SNAPC3: variants seen among roughly 807,000 people sequenced by gnomAD.
SNAPC3 encodes the protein snRNA-activating protein complex subunit 3.
In SNAPC3, 56 loss-of-function variants were observed where a neutral mutation model predicts 47.7. The observed-to-expected ratio is 1.18, with a 90% CI of 0.95 to 1.47. The LOEUF (loss-of-function observed/expected upper bound fraction) is 1.47, where lower values mean the gene tolerates loss of function less well. SNAPC3 is among the 40% of genes most tolerant of loss of function. The probability of loss-of-function intolerance (pLI) is 0.00; values close to 1 mark genes in which losing one functional copy is unlikely to be tolerated. For missense variants in SNAPC3, 665 were observed against 511.3 expected, an observed-to-expected ratio of 1.30 and a Z score of -2.90; for synonymous variants, 235 against 189.9, an observed-to-expected ratio of 1.24 and a Z score of -1.95.
At chr9:15,456,528 C>A (rs2131964427) in intron 7 of SNAPC3, among the ~76,000 whole-genome samples, 1 of 151,948 alleles carries the variant, frequency 6.6e-6, no homozygotes, top group South Asian at 2.1e-4. Flanking sequence ...AGTGCAGTGG[C>A]AAAATCATGG....
downstream of SNAPC3, chr9:15,465,383 C>A: frequency 1.4e-6 from 1 of 716,290 alleles, no homozygotes; most frequent in Non-Finnish European, 2.3e-6. Context: ...TACTTTAAAA[C>A]AAAGGGATTT....
downstream of SNAPC3, chr9:15,462,281 A>G (rs1383866480): frequency 1.3e-5 from 2 of 152,168 alleles, no homozygotes; most frequent in African/African-American, 4.8e-5. Context: ...TTTTTCATCA[A>G]AGACTCAGGT....
chr9:15,433,549 C>T lies in SNAPC3; in HGVS notation c.393-3C>T. On this transcript the variant is annotated splice_polypyrimidine_tract_variant and splice_region_variant and intron_variant, in intron 2 of 8. Coordinates refer to ENST00000380821, the MANE Select transcript of SNAPC3 (RefSeq NM_001039697.2). ...TTTTTTTTTTCTTTTACATCTACAACAGGGTTAGAAAAAGGTTCTTGGAAC... is the reference window on the plus strand; with the variant it reads ...TTTTTTTTTTCTTTTACATCTACAATAGGGTTAGAAAAAGGTTCTTGGAAC... 1.3e-6 allele frequency: 2 copies of T among 1,559,898 alleles called. No homozygotes were observed. Among genetic ancestry groups the T allele is most frequent in the South Asian group, 1.2e-5 (1 of 86,344 alleles).
chr9:15,459,640 A>C (rs1349852003), intron 8 of SNAPC3, 79 bp from the exon 9 acceptor site: 15 of 1,071,744 alleles, frequency 1.4e-5, no homozygotes, highest in Non-Finnish European at 2.1e-5. Context: ...TTATATTTAC[A>C]TATTGCTACA....
chr9:15,452,241 G>A (rs1471768542), intron 6 of SNAPC3, among the ~76,000 whole-genome samples: 2 of 152,082 alleles, frequency 1.3e-5, no homozygotes, highest in Non-Finnish European at 2.9e-5. Flanking sequence ...AACGTTACAG[G>A]TGTGAGCCAC....
downstream of SNAPC3, chr9:15,465,602 A>C (rs773768174): frequency 3.3e-6 from 5 of 1,532,398 alleles, no homozygotes; most frequent in Non-Finnish European, 4.5e-6. Flanking sequence ...GGGGAAAGGT[A>C]CAACTGGAAT....
intron 2 of SNAPC3, among the ~76,000 whole-genome samples, chr9:15,431,091 A>G (rs573289194): frequency 6.6e-6 from 1 of 152,288 alleles, no homozygotes; most frequent in East Asian, 1.9e-4. Flanking sequence ...GCTCAGCAGG[A>G]TCCTGCAGTG....
At chr9:15,464,252 C>T (rs41268959), downstream of SNAPC3, 2,271 of 193,184 alleles carry the variant, frequency 0.012, 18 homozygotes, top group Middle Eastern at 0.021. Flanking sequence ...AAATGCAATT[C>T]TGTAGATGAA....
chr9:15,429,591 ACT>A (rs535341151), intron 2 of SNAPC3, among the ~76,000 whole-genome samples: 335 of 152,290 alleles, frequency 2.2e-3, no homozygotes, highest in Non-Finnish European at 3.4e-3. Context: ...AAAATGGGTA[ACT>A]CTAGGATTTA....
At chr9:15,463,724 C>A (rs997306308), downstream of SNAPC3, 1 of 151,994 alleles carries the variant, frequency 6.6e-6, no homozygotes, top group Non-Finnish European at 1.5e-5. Context: ...AAAGAAACAG[C>A]AATTATGCTT....
chr9:15,439,304 A>G (rs1309011723), intron 3 of SNAPC3, among the ~76,000 whole-genome samples: 1 of 152,178 alleles, frequency 6.6e-6, no homozygotes, highest in Non-Finnish European at 1.5e-5. Flanking sequence ...TGTTGGCTTT[A>G]TATAAGTTTA....
chr9:15,442,544 G>A (rs4635443), intron 3 of SNAPC3, among the ~76,000 whole-genome samples: 8 of 151,822 alleles, frequency 5.3e-5, no homozygotes, highest in East Asian at 3.9e-4. Context: ...GGTGGCGGCC[G>A]GGCAGAGGCG....
chr9:15,461,526 A>C lies in SNAPC3; in HGVS notation c.*1660A>C, dbSNP rs2035221599. 1.3e-5 allele frequency: 2 copies of C among 152,328 alleles called. No homozygotes were observed. The highest frequency in any genetic ancestry group is 4.8e-5 in the African/African-American group (2 of 41,576). The allele number at this position is 152,328 out of a possible 1,614,324, so 9.4% of individuals were successfully genotyped here. On this transcript the variant is annotated 3_prime_UTR_variant, in exon 9 of 9. Transcript: ENST00000380821. ...AGATTTATTCAAATATTTTCTGGGA[A>C]CCTTTATGGGTAGAACATTTAATAC... is the stretch of plus-strand genomic sequence containing the variant.
rs146229242 is a variant in SNAPC3 at position 15,427,471 on chromosome 9, C to G, written c.392+3485C>G. Reference sequence around the variant, plus strand: ...TCAAGTGATTCTTCTGCCTCAGCCTCCCAAGTAGCTGGGATTACTGGCGTG... The same window carrying G: ...TCAAGTGATTCTTCTGCCTCAGCCTGCCAAGTAGCTGGGATTACTGGCGTG... On this transcript the variant is annotated intron_variant, in intron 2 of 8. Transcript: ENST00000380821. Among the ~76,000 whole-genome samples, 534 of 152,320 alleles carry G rather than the reference C, an allele frequency of 3.5e-3. 5 individuals carry two copies. Among genetic ancestry groups the G allele is most frequent in the East Asian group, 0.021 (111 of 5,182 alleles).
intron 7 of SNAPC3, 93 bp from the exon 8 acceptor site, chr9:15,457,867 C>G (rs940879994): frequency 2.7e-6 from 2 of 733,170 alleles, no homozygotes; most frequent in Non-Finnish European, 4.5e-6. Context: ...ATCTATTTTC[C>G]TAATACTCAG....
At chr9:15,436,959 G>T (rs1265561830) in intron 3 of SNAPC3, among the ~76,000 whole-genome samples, 2 of 151,500 alleles carry the variant, frequency 1.3e-5, no homozygotes, top group Non-Finnish European at 2.9e-5. Flanking sequence ...GAGTGGCTGG[G>T]ATTACAGGTG....
At chr9:15,464,677 T>G (rs569578324), downstream of SNAPC3, 2 of 198,278 alleles carry the variant, frequency 1.0e-5, no homozygotes, top group South Asian at 3.8e-4. Context: ...AAAGACATTT[T>G]TAACAACATT....
chr9:15,449,497 T>C (rs1445395218), intron 5 of SNAPC3, among the ~76,000 whole-genome samples: 2 of 148,056 alleles, frequency 1.4e-5, no homozygotes, highest in Non-Finnish European at 3.0e-5. Flanking sequence ...AATGTTTACA[T>C]ATCTCCTGTT....
chr9:15,461,970 A>C (rs2035252425), downstream of SNAPC3: 1 of 152,160 alleles, frequency 6.6e-6, no homozygotes, highest in African/African-American at 2.4e-5. Context: ...ATTTAAGATA[A>C]ATGAATGATT....
Sources: gnomAD v4.1 joint callset for allele counts (sites outside exome capture counted in the v4.1 genomes callset) on GRCh38, gnomAD v4.1.1 for gene constraint, MANE v1.5 for transcripts, NCBI Gene and HGNC (gene_info 2026-07-23, HGNC 2026-07-21) for gene names.